PCDH15: variants seen among roughly 807,000 people sequenced by gnomAD.
PCDH15 encodes the protein protocadherin-15.
In PCDH15, 129 loss-of-function variants were observed where a neutral mutation model predicts 178.5. The ratio of observed to expected loss-of-function variants is 0.72; its 90% confidence interval spans 0.63 to 0.84. The LOEUF (loss-of-function observed/expected upper bound fraction) is 0.84. Among genes scored for constraint, PCDH15 ranks in the 40% least tolerant of loss-of-function variants. The pLI, the probability that PCDH15 is intolerant of heterozygous loss-of-function variation, is 0.00. For missense variants in PCDH15, 2,230 were observed against 2,099.9 expected (o/e 1.06, Z -1.21); for synonymous variants, 800 against 732.0 (o/e 1.09, Z -1.50).
At chr10:54,756,460 A>G (rs1328202513) in intron 1 of PCDH15, among the ~76,000 whole-genome samples, 2 of 152,116 alleles carry the variant, frequency 1.3e-5, no homozygotes, top group Non-Finnish European at 2.9e-5. Flanking sequence ...CTCTGCTCAA[A>G]TTAGACTTTT....
chr10:55,529,656 T>C (rs2132061663), intron 2 of PCDH15, among the ~76,000 whole-genome samples: 1 of 149,644 alleles, frequency 6.7e-6, no homozygotes, highest in East Asian at 2.0e-4. Context: ...TCCTGTTCTT[T>C]ACTAATATTG....
intron 3 of PCDH15, among the ~76,000 whole-genome samples, chr10:54,461,164 C>A (rs774914997): frequency 1.1e-4 from 17 of 152,022 alleles, no homozygotes; most frequent in Non-Finnish European, 2.2e-4. Context: ...CATAAACTTT[C>A]TCTTAAGTGA....
chr10:54,108,151 A>G (rs2094950566), intron 15 of PCDH15, among the ~76,000 whole-genome samples: 1 of 152,152 alleles, frequency 6.6e-6, no homozygotes, highest in Non-Finnish European at 1.5e-5. Flanking sequence ...TGAAACAAAC[A>G]ACTTTCATAA....
intron 2 of PCDH15, among the ~76,000 whole-genome samples, chr10:55,533,149 C>G (rs1413482638): frequency 6.6e-6 from 1 of 152,028 alleles, no homozygotes; most frequent in South Asian, 2.1e-4. Flanking sequence ...GCTGAAAGCA[C>G]TCGCCTTGAA....
intron 2 of PCDH15, among the ~76,000 whole-genome samples, chr10:55,069,255 T>G (rs527882874): frequency 0.011 from 1,565 of 142,688 alleles, 28 homozygotes; most frequent in African/African-American, 0.034. Flanking sequence ...TTTGTTTTTT[T>G]TTTTTTTTTT....
chr10:54,179,239 T>TA (rs377684544), intron 13 of PCDH15, among the ~76,000 whole-genome samples: 4 of 151,656 alleles, frequency 2.6e-5, no homozygotes, highest in African/African-American at 9.7e-5. Flanking sequence ...TATGCAGCCA[T>TA]AAAAAAAGGA....
intron 2 of PCDH15, chr10:55,599,291 G>A (rs1421768370): frequency 2.0e-5 from 3 of 152,148 alleles, no homozygotes; most frequent in Non-Finnish European, 4.4e-5. Flanking sequence ...GGTGATAGCT[G>A]ATTGTCCAAG....
intron 21 of PCDH15, among the ~76,000 whole-genome samples, chr10:53,985,283 C>G (rs2091014566): frequency 6.6e-6 from 1 of 152,092 alleles, no homozygotes; most frequent in African/African-American, 2.4e-5. Flanking sequence ...ACACTTCATT[C>G]TTTTTGCTAT....
intron 2 of PCDH15, among the ~76,000 whole-genome samples, chr10:54,916,134 G>A (rs775232541): frequency 1.2e-4 from 18 of 150,424 alleles, no homozygotes; most frequent in Non-Finnish European, 2.5e-4. Flanking sequence ...ACCATGCCTG[G>A]CTAATTTTTC....
chr10:55,521,486 A>C (rs1350111412), intron 2 of PCDH15, among the ~76,000 whole-genome samples: 2 of 151,934 alleles, frequency 1.3e-5, no homozygotes. Flanking sequence ...AATTCTTTGT[A>C]AGTCATAGGA....
intron 2 of PCDH15, among the ~76,000 whole-genome samples, chr10:54,623,543 A>G (rs989843215): frequency 9.2e-5 from 14 of 152,090 alleles, no homozygotes; most frequent in African/African-American, 2.9e-4. Flanking sequence ...TGTTATTGTT[A>G]TTTTTACTGC....
chr10:53,860,181 C>T (rs925759667), intron 27 of PCDH15, among the ~76,000 whole-genome samples: 1 of 152,112 alleles, frequency 6.6e-6, no homozygotes, highest in East Asian at 1.9e-4. Flanking sequence ...TTTGATAAGA[C>T]TTTGTTCTAT....
intron 2 of PCDH15, among the ~76,000 whole-genome samples, chr10:55,616,441 G>C (rs1180017109): frequency 6.6e-6 from 1 of 150,584 alleles, no homozygotes; most frequent in Non-Finnish European, 1.5e-5. Context: ...TGTATTAATA[G>C]TTACATCTTT....
chr10:54,048,797 G>A (rs2093707372), intron 18 of PCDH15, among the ~76,000 whole-genome samples: 1 of 152,030 alleles, frequency 6.6e-6, no homozygotes, highest in African/African-American at 2.4e-5. Flanking sequence ...GTAGGATAAT[G>A]TGATGCCTTT....
rs182446363 is a variant in PCDH15 at position 55,481,191 on chromosome 10, A to G, written c.-156+146434T>C. On this transcript the variant is annotated intron_variant, in intron 2 of 5. Coordinates refer to the PCDH15 transcript ENST00000613346. Reference sequence around the variant, plus strand: ...TGGGGTCATTGGTAATATCCCCCTTATCATTTCTGATTGTATTTATTTGAA... The same window carrying G: ...TGGGGTCATTGGTAATATCCCCCTTGTCATTTCTGATTGTATTTATTTGAA... Among the ~76,000 whole-genome samples, 15 of 151,774 alleles carry G rather than the reference A, an allele frequency of 9.9e-5. No individual in the cohort carries two copies. The East Asian group carries it at 2.9e-3, about 29-fold the overall frequency.
At chr10:55,025,155 A>ATG (rs34869567) in intron 2 of PCDH15, among the ~76,000 whole-genome samples, 11,456 of 152,074 alleles carry the variant, frequency 0.075, 685 homozygotes, top group African/African-American at 0.16. Context: ...GTACGTATGC[A>ATG]TGTGTGTGTG....
At chr10:55,309,724 G>C (rs1214651039) in intron 1 of PCDH15, among the ~76,000 whole-genome samples, 1 of 152,192 alleles carries the variant, frequency 6.6e-6, no homozygotes, top group East Asian at 1.9e-4. Context: ...TACTACATTT[G>C]TTTCCCAACA....
At position 55,463,854 on chromosome 10, in the gene PCDH15, C is replaced by T. The variant is rs540307450; in HGVS notation, c.-156+163771G>A. Among the ~76,000 whole-genome samples the T allele has an allele frequency of 6.5e-5, 9 of 138,478 alleles. 1 individual carries two copies. The South Asian group carries it at 9.5e-4, about 15-fold the overall frequency. 90.8% of individuals were successfully genotyped at this position (138,478 alleles called of 152,430 possible). ...TAAATGAGATAGGGTGACAGAGTAA[C>T]AGAATGAGACGAAAGAAAGAGAGAG... On this transcript the variant is annotated intron_variant, in intron 2 of 5. Transcript: ENST00000613346.
chr10:53,964,086 G>A (rs890149770), intron 21 of PCDH15, among the ~76,000 whole-genome samples: 1 of 152,020 alleles, frequency 6.6e-6, no homozygotes, highest in Non-Finnish European at 1.5e-5. Flanking sequence ...TCCTTTACCA[G>A]GAAAATAAGG....
Sources: allele counts gnomAD v4.1 joint callset (sites outside exome capture counted in the v4.1 genomes callset), GRCh38; gene constraint gnomAD v4.1.1; transcripts MANE v1.5; gene names NCBI Gene and HGNC (gene_info 2026-07-23, HGNC 2026-07-21).